Variants in DNMBP observed in about 807,000 individuals in gnomAD.
DNMBP encodes dynamin-binding protein.
A neutral mutation model predicts 150.0 loss-of-function variants in DNMBP; 87 were observed. That is an observed-to-expected ratio of 0.58 (90% CI 0.49 to 0.69). DNMBP has a LOEUF of 0.69. DNMBP is among the 30% of genes least tolerant of loss of function. The probability of loss-of-function intolerance (pLI) is 0.00; values close to 1 mark genes in which losing one functional copy is unlikely to be tolerated. For missense variants in DNMBP, 1,774 were observed against 1,949.0 expected, an observed-to-expected ratio of 0.91 and a Z score of 1.69; for synonymous variants, 711 against 750.4, an observed-to-expected ratio of 0.95 and a Z score of 0.86.
At chr10:99,999,515 C>T (rs2040988044) in intron 1 of DNMBP, among the ~76,000 whole-genome samples, 1 of 152,168 alleles carries the variant, frequency 6.6e-6, no homozygotes, top group African/African-American at 2.4e-5. Context: ...TTTCACTTTC[C>T]ACAGTTTCAG....
intron 10 of DNMBP, 137 bp downstream of exon 10, chr10:99,896,130 G>T (rs1454605126): frequency 2.1e-6 from 2 of 934,424 alleles, no homozygotes; most frequent in Non-Finnish European, 3.2e-6. Context: ...CAGCTGGAGG[G>T]CCCTGTCTCC....
At chr10:99,941,095 G>A (rs957800735) in intron 4 of DNMBP, among the ~76,000 whole-genome samples, 7 of 152,002 alleles carry the variant, frequency 4.6e-5, no homozygotes, top group Non-Finnish European at 7.4e-5. Flanking sequence ...ATGTTGGTCC[G>A]GATGGTCGCA....
At chr10:99,982,128 G>A (rs1737843873) in intron 1 of DNMBP, among the ~76,000 whole-genome samples, 1 of 152,122 alleles carries the variant, frequency 6.6e-6, no homozygotes, top group Admixed American at 6.6e-5. Context: ...GGATGACTTG[G>A]ATTTATGAGA....
intron 1 of DNMBP, among the ~76,000 whole-genome samples, chr10:100,007,081 C>A (rs1001384238): frequency 6.6e-6 from 1 of 151,914 alleles, no homozygotes; most frequent in Non-Finnish European, 1.5e-5. Context: ...CGCCACTGCA[C>A]TCCAGCCTGG....
intron 5 of DNMBP, among the ~76,000 whole-genome samples, chr10:99,908,609 T>C (rs2039855858): frequency 6.6e-6 from 1 of 152,316 alleles, no homozygotes; most frequent in Middle Eastern, 3.4e-3. Flanking sequence ...ACTAGAGTCA[T>C]GTAACTGCTC....
intron 13 of DNMBP, 106 bp downstream of exon 13, chr10:99,886,194 G>T: frequency 1.1e-6 from 1 of 942,276 alleles, no homozygotes; most frequent in Non-Finnish European, 1.6e-6. Flanking sequence ...GACACATTCA[G>T]TTTATCTAAT....
chr10:99,908,902 G>T, intron 5 of DNMBP, 51 bp downstream of exon 5: 1 of 1,526,218 alleles, frequency 6.6e-7, no homozygotes, highest in East Asian at 2.3e-5. Context: ...AATGCTTCTG[G>T]CCTGGAGGAC....
chr10:99,960,712 A>C (rs2040555344), intron 3 of DNMBP, among the ~76,000 whole-genome samples: 2 of 152,144 alleles, frequency 1.3e-5, no homozygotes, highest in South Asian at 4.1e-4. Context: ...AGGCTGAGGC[A>C]GAAAAATGGC....
chr10:99,878,656 A>T (rs2039312251), intron 16 of DNMBP, among the ~76,000 whole-genome samples: 1 of 152,168 alleles, frequency 6.6e-6, no homozygotes, highest in South Asian at 2.1e-4. Flanking sequence ...CACCTCTACA[A>T]CCCAGGACAC....
intron 11 of DNMBP, among the ~76,000 whole-genome samples, chr10:99,892,812 C>A (rs1197272509): frequency 6.6e-6 from 1 of 151,978 alleles, no homozygotes; most frequent in African/African-American, 2.4e-5. Context: ...GTTGGAACAG[C>A]AAAGTCCTTT....
intron 1 of DNMBP, among the ~76,000 whole-genome samples, chr10:100,005,910 A>T (rs550369700): frequency 1.3e-5 from 2 of 152,358 alleles, no homozygotes; most frequent in East Asian, 3.8e-4. Context: ...ATTAAGAATG[A>T]ACACCTGTGA....
At chr10:99,892,412 A>G (rs2039587012) in intron 11 of DNMBP, among the ~76,000 whole-genome samples, 1 of 139,692 alleles carries the variant, frequency 7.2e-6, no homozygotes, top group Non-Finnish European at 1.5e-5. Context: ...GTTCTGCACT[A>G]AGAAAAATTC....
At chr10:100,005,537 T>G (rs2133394489) in intron 1 of DNMBP, among the ~76,000 whole-genome samples, 1 of 152,168 alleles carries the variant, frequency 6.6e-6, no homozygotes, top group South Asian at 2.1e-4. Flanking sequence ...GCGGATCACC[T>G]GAGGTCAGGA....
intron 4 of DNMBP, among the ~76,000 whole-genome samples, chr10:99,943,695 T>A (rs1283092592): frequency 6.6e-6 from 1 of 152,218 alleles, no homozygotes; most frequent in African/African-American, 2.4e-5. Flanking sequence ...TGAGCCACCA[T>A]GCCCGGCTGA....
rs781752978 is a variant in DNMBP at position 99,898,321 on chromosome 10, CAAT to C, written c.2721-39_2721-37del. On this transcript the variant is annotated intron_variant, in intron 8 of 16. Transcript: ENST00000324109. ...AGGAAAAAAGACTTTAGTAAGCTAT[CAAT>C]AATATAGCGCCCAGCCTGGGAACAT... 4 of 1,551,752 alleles carry C rather than the reference CAAT, an allele frequency of 2.6e-6. No homozygotes were observed. In the South Asian group the frequency reaches 4.5e-5, roughly 17 times the overall value.
At chr10:99,990,321 G>A (rs577413036) in intron 1 of DNMBP, among the ~76,000 whole-genome samples, 6 of 152,128 alleles carry the variant, frequency 3.9e-5, no homozygotes, top group Non-Finnish European at 8.8e-5. Flanking sequence ...GAGAGGCTAA[G>A]GTGGGCAGAT....
At chr10:99,903,885 G>C (rs895452592) in intron 6 of DNMBP, among the ~76,000 whole-genome samples, 1 of 151,590 alleles carries the variant, frequency 6.6e-6, no homozygotes, top group Admixed American at 6.6e-5. Context: ...ATACTTAATG[G>C]GTCACAGTCA....
chr10:99,989,436 C>T (rs369692833), intron 1 of DNMBP, among the ~76,000 whole-genome samples: 97 of 152,268 alleles, frequency 6.4e-4, no homozygotes, highest in African/African-American at 1.9e-3. Context: ...TGAGGCCAGG[C>T]GCAGTGGCTC....
Position 99,880,368 on chromosome 10 carries a change from A to G in DNMBP, c.3998-7T>C. 6.4e-7 allele frequency: 1 copy of G among 1,556,362 alleles called. No homozygotes were observed. Among genetic ancestry groups the G allele is most frequent in the Non-Finnish European group, 8.7e-7 (1 of 1,154,934 alleles). On this transcript the variant is annotated splice_polypyrimidine_tract_variant and splice_region_variant and intron_variant, in intron 15 of 16. Transcript: ENST00000324109. ...TACACGAAGCCTTTGGTGACTACAAAGGAAACAGGAAATATAAACAAGAAC... is the reference window on the plus strand; with the variant it reads ...TACACGAAGCCTTTGGTGACTACAAGGGAAACAGGAAATATAAACAAGAAC...
Sources: gnomAD v4.1 joint callset for allele counts (sites outside exome capture counted in the v4.1 genomes callset) on GRCh38, gnomAD v4.1.1 for gene constraint, MANE v1.5 for transcripts, NCBI Gene and HGNC (gene_info 2026-07-23, HGNC 2026-07-21) for gene names.